Variants in IL27RA observed in about 807,000 individuals in gnomAD.
The protein encoded by IL27RA is interleukin 27 receptor subunit alpha, also known as interleukin-27 receptor subunit alpha.
Under a neutral mutation model 80.8 loss-of-function variants are expected in IL27RA, and 61 were observed. The observed-to-expected ratio is 0.76, with a 90% CI of 0.61 to 0.93. The LOEUF (loss-of-function observed/expected upper bound fraction) is 0.93. Among genes scored for constraint, IL27RA ranks in the 40% least tolerant of loss-of-function variants. The pLI, the probability that IL27RA is intolerant of heterozygous loss-of-function variation, is 0.00. For missense variants in IL27RA, 735 were observed against 808.1 expected (o/e 0.91, Z 1.10); for synonymous variants, 316 against 332.5 (o/e 0.95, Z 0.54).
intron 1 of IL27RA, 31 bp downstream of exon 1, chr19:14,032,003 C>G (rs892026635): frequency 6.4e-7 from 1 of 1,556,206 alleles, no homozygotes; most frequent in Non-Finnish European, 8.8e-7. Context: ...GTGTCCCGGG[C>G]GCTGCCGCTG....
intron 10 of IL27RA, among the ~76,000 whole-genome samples, chr19:14,049,939 A>C (rs538808749): frequency 1.2e-4 from 18 of 152,024 alleles, no homozygotes; most frequent in East Asian, 3.9e-4. Flanking sequence ...CTGTAATCCC[A>C]GCACTTTGGG....
chr19:14,033,932 C>T (rs1034113888), intron 2 of IL27RA, among the ~76,000 whole-genome samples: 7 of 152,076 alleles, frequency 4.6e-5, no homozygotes, highest in Admixed American at 3.9e-4. Flanking sequence ...CCACTGCACT[C>T]CAGCCTGGCC....
chr19:14,042,891 C>T, intron 6 of IL27RA, 102 bp downstream of exon 6: 2 of 1,078,796 alleles, frequency 1.9e-6, no homozygotes, highest in African/African-American at 1.5e-5. Flanking sequence ...GTAATCCCAA[C>T]ACTGCTGTGG....
At position 14,046,467 on chromosome 19, in the gene IL27RA, C is replaced by T; in HGVS notation, c.990C>T (p.Ser330=). Residue 330 remains serine (S), a synonymous_variant, in exon 8 of 14, where the codon AGC becomes AGT. Transcript: ENST00000263379. ...CCCCCCGTAGCGTGGCAGTCAGCAGCATCGCTGGGAGCACGGAGCTACTGG... is the reference window on the plus strand; with the variant it reads ...CCCCCCGTAGCGTGGCAGTCAGCAGTATCGCTGGGAGCACGGAGCTACTGG... ...ASAPRSVAVS[S]IAGSTELLVT... 6.2e-7 allele frequency: 1 copy of T among 1,614,158 alleles called. No homozygotes were observed. The highest frequency in any genetic ancestry group is 8.5e-7 in the Non-Finnish European group (1 of 1,180,032).
Position 14,052,427 on chromosome 19 carries a change from C to G in IL27RA, c.*137C>G. ...GGCTGAGTCACTTACCTGAGGACAC[C>G]CAGCCAGGCAGAGCTGGGATTGAAG... On this transcript the variant is annotated 3_prime_UTR_variant, in exon 14 of 14. Transcript: ENST00000263379. 6 of 670,608 alleles carry G rather than the reference C, an allele frequency of 8.9e-6. No homozygotes were observed. Among genetic ancestry groups the G allele is most frequent in the Non-Finnish European group, 1.4e-5 (6 of 430,014 alleles). The allele number at this position is 670,608 out of a possible 1,614,324, so 41.5% of individuals were successfully genotyped here.
chr19:14,051,642 C>T lies in IL27RA; in HGVS notation c.1564C>T (p.Leu522=). The stretch of plus-strand genomic sequence containing the variant: ...GAGGTGGAAAGTTCTGCCGGGCATC[C>T]TATTCTTGTGGGGCTTGTTCCTGTT... The part of the protein sequence containing the change: ...TLRWKVLPGI[L]FLWGLFLLGC... The change falls in exon 12 of 14, where the codon CTA becomes TTA. Residue 522 remains leucine, a synonymous_variant. Coordinates refer to ENST00000263379, the MANE Select transcript of IL27RA (RefSeq NM_004843.4). 6.2e-7 allele frequency: 1 copy of T among 1,612,908 alleles called. No individual in the cohort carries two copies. Among genetic ancestry groups the T allele is most frequent in the Non-Finnish European group, 8.5e-7 (1 of 1,179,280 alleles).
At chr19:14,033,206 C>G (rs1656076389) in intron 2 of IL27RA, among the ~76,000 whole-genome samples, 1 of 149,782 alleles carries the variant, frequency 6.7e-6, no homozygotes, top group South Asian at 2.1e-4. Context: ...AAGCGATTCT[C>G]CTGCCTCAGC....
At chr19:14,051,323 T>A (rs1213728886) in intron 11 of IL27RA, among the ~76,000 whole-genome samples, 2 of 151,882 alleles carry the variant, frequency 1.3e-5, no homozygotes, top group African/African-American at 4.8e-5. Context: ...GGCGGGTGGA[T>A]CAGTTGAGGT....
In IL27RA at chr19:14,046,217, A is replaced by G; in HGVS notation, c.832A>G (p.Ser278Gly). ...GTTCTGGGTTGGAGGTCGTGAGCTG[A>G]GTCCAGAAGGAATTACCTGCTGCTG... ...VWFWVGGREL[S>G]PEGITCCCSL... The change falls in exon 7 of 14, where the codon AGT becomes GGT. Residue 278 changes from serine to glycine, a missense_variant. By Grantham distance (56) the Ser-to-Gly change is moderately conservative. Transcript: ENST00000263379. 1.2e-6 allele frequency: 2 copies of G among 1,614,176 alleles called. No homozygotes were observed. The highest frequency in any genetic ancestry group is 1.7e-6 in the Non-Finnish European group (2 of 1,180,038).
At chr19:14,032,632 T>TCC in intron 2 of IL27RA, 129 bp downstream of exon 2, 1 of 82,766 alleles carries the variant, frequency 1.2e-5, no homozygotes, top group South Asian at 5.7e-4. Context: ...ATACTAAAAA[T>TCC]ACAAAAAAAA....
At chr19:14,044,601 TAC>T (rs1168581408) in intron 6 of IL27RA, among the ~76,000 whole-genome samples, 2 of 151,906 alleles carry the variant, frequency 1.3e-5, no homozygotes, top group African/African-American at 2.4e-5. Flanking sequence ...TTTTCAGAAA[TAC>T]AGTTTGATTG....
intron 8 of IL27RA, 58 bp downstream of exon 8, chr19:14,046,676 G>A: frequency 6.8e-7 from 1 of 1,464,848 alleles, no homozygotes; most frequent in Non-Finnish European, 9.3e-7. Flanking sequence ...CGGATGGGTG[G>A]ACTTGTAAGA....
intron 6 of IL27RA, among the ~76,000 whole-genome samples, chr19:14,044,050 C>CAAAAA (rs111909254): frequency 7.8e-4 from 66 of 85,158 alleles, no homozygotes; most frequent in African/African-American, 2.1e-3. Flanking sequence ...CTCTGTCTCA[C>CAAAAA]AAAAAAAAAA....
rs567689740 is a variant in IL27RA at position 14,051,966 on chromosome 19, A to C, written c.1709A>C (p.His570Pro). 66 of 1,584,876 alleles carry C rather than the reference A, an allele frequency of 4.2e-5. No homozygotes were observed. The East Asian group carries it at 1.5e-3, about 35-fold the overall frequency. Residue 570 changes from histidine to proline, a missense_variant, in exon 13 of 14, where the codon CAC becomes CCC. By Grantham distance (77) the His-to-Pro change is moderately conservative. Coordinates refer to ENST00000263379, the MANE Select transcript of IL27RA (RefSeq NM_004843.4). Reference sequence around the variant, plus strand: ...GCCAACAGCAGTTCAGGCCAGCCCCACATGGAGGTGAGTCAAAGGGCCGGC... The same window carrying C: ...GCCAACAGCAGTTCAGGCCAGCCCCCCATGGAGGTGAGTCAAAGGGCCGGC... ...DPANSSSGQP[H>P]MEQVPEAQPL... is the part of the protein sequence containing the mutation.
chr19:14,033,847 C>T (rs548040019), intron 2 of IL27RA, among the ~76,000 whole-genome samples: 1 of 151,914 alleles, frequency 6.6e-6, no homozygotes, highest in African/African-American at 2.4e-5. Context: ...GCCTGTAATC[C>T]CAGTTACTCA....
At chr19:14,051,363 G>A (rs144307323) in intron 11 of IL27RA, among the ~76,000 whole-genome samples, 71 of 152,174 alleles carry the variant, frequency 4.7e-4, no homozygotes, top group African/African-American at 1.6e-3. Context: ...TGGCCAATGT[G>A]GTGAAACCCC....
chr19:14,050,942 G>T lies in IL27RA; in HGVS notation c.1528+59G>T. The T allele has an allele frequency of 3.9e-6, 6 of 1,533,656 alleles. No individual in the cohort carries two copies. The South Asian group carries it at 7.2e-5, about 18-fold the overall frequency. ...GGGATGTACTCCACAGTGGGGAGAGGTAGCATCTGGAGTCATTACTTGGAA... is the reference window on the plus strand; with the variant it reads ...GGGATGTACTCCACAGTGGGGAGAGTTAGCATCTGGAGTCATTACTTGGAA... On this transcript the variant is annotated intron_variant, in intron 11 of 13. Coordinates refer to ENST00000263379, the MANE Select transcript of IL27RA (RefSeq NM_004843.4).
In IL27RA at chr19:14,039,640, C is replaced by T. The variant is rs1216576609; in HGVS notation, c.351C>T (p.Pro117=). 6.2e-6 allele frequency: 10 copies of T among 1,613,828 alleles called. No homozygotes were observed. Among genetic ancestry groups the T allele is most frequent in the African/African-American group, 1.3e-5 (1 of 74,944 alleles). The change falls in exon 3 of 14, where the codon CCC becomes CCT. Residue 117 remains proline (P), a synonymous_variant. Coordinates refer to ENST00000263379, the MANE Select transcript of IL27RA (RefSeq NM_004843.4). The part of the protein sequence containing the change: ...GTKAGQPLWP[P]VFVNLETQMK... ...AGGCAGGCCAGCCTCTCTGGCCCCC[C>T]GTCTTCGTGAACCTAGAAACCCAAA...
chr19:14,032,319 C>A, intron 1 of IL27RA, 67 bp from the exon 2 acceptor site: 2 of 1,233,682 alleles, frequency 1.6e-6, no homozygotes, highest in Non-Finnish European at 2.3e-6. Flanking sequence ...AGTCCAAGTT[C>A]TGGGGTGTGC....
Sources: gnomAD v4.1 joint callset for allele counts (sites outside exome capture counted in the v4.1 genomes callset) on GRCh38, gnomAD v4.1.1 for gene constraint, MANE v1.5 for transcripts, NCBI Gene and HGNC (gene_info 2026-07-23, HGNC 2026-07-21) for gene names.